The following SMAD6 variants were observed in gnomAD, a reference collection of about 807,000 sequenced individuals.
SMAD6 encodes the protein SMAD family member 6.
A neutral mutation model predicts 39.4 loss-of-function variants in SMAD6; 103 were observed. The ratio of observed to expected loss-of-function variants is 2.62; its 90% CI spans 2.23 to 3.08. The LOEUF (loss-of-function observed/expected upper bound fraction) is 3.08. Ranked by LOEUF, SMAD6 falls within the 30% of genes most tolerant of loss-of-function variation. The pLI is 0.00. For synonymous variants in SMAD6, 445 were observed against 353.3 expected (o/e 1.26, Z -2.91); for missense variants, 1,104 against 742.9 (o/e 1.49, Z -5.65).
At chr15:66,753,914 G>A (rs895491934) in intron 3 of SMAD6, among the ~76,000 whole-genome samples, 7 of 152,186 alleles carry the variant, frequency 4.6e-5, no homozygotes, top group African/African-American at 1.7e-4. Flanking sequence ...GCCCTCGGAG[G>A]CCCCAAGGGG....
intron 1 of SMAD6, chr15:66,705,478 TG>T (rs1245314068): frequency 1.3e-5 from 2 of 150,482 alleles, no homozygotes; most frequent in African/African-American, 2.5e-5. Flanking sequence ...CAGCTTTCCC[TG>T]GAAGTGACTT....
chr15:66,780,905 C>T (rs1894547021), intron 3 of SMAD6, 92 bp from the exon 4 acceptor site: 1 of 1,287,636 alleles, frequency 7.8e-7, no homozygotes, highest in African/African-American at 1.5e-5. Context: ...ACCCAGCTCC[C>T]ACTGTGCAGA....
At chr15:66,751,517 A>G (rs375270473) in intron 3 of SMAD6, among the ~76,000 whole-genome samples, 1 of 152,140 alleles carries the variant, frequency 6.6e-6, no homozygotes, top group East Asian at 1.9e-4. Flanking sequence ...CTCTTCCACA[A>G]TGGGAAACTG....
intron 3 of SMAD6, among the ~76,000 whole-genome samples, chr15:66,748,872 T>G (rs2140644980): frequency 6.6e-6 from 1 of 152,340 alleles, no homozygotes; most frequent in East Asian, 1.9e-4. Flanking sequence ...TGATATGAGC[T>G]GTAGATTCCT....
At position 66,702,437 on chromosome 15, in the gene SMAD6, A is replaced by AG. The variant is rs1025318462; in HGVS notation, c.-815dup. 143 of 30,334 alleles carry AG rather than the reference A, an allele frequency of 4.7e-3. No homozygotes were observed. The highest frequency in any genetic ancestry group is 0.017 in the African/African-American group (137 of 8,004). The allele number at this position is 30,334 out of a possible 1,614,324, so 1.9% of individuals were successfully genotyped here. ...CGGGAGGCACTTTTGTGGAGGGGGGAGGGGGGGCGACCTCGGCAGCCTCGG... is the reference window on the plus strand; with the variant it reads ...CGGGAGGCACTTTTGTGGAGGGGGGAGGGGGGGGCGACCTCGGCAGCCTCGG... On this transcript the variant is annotated 5_prime_UTR_variant, in exon 1 of 4. An upstream open reading frame in the 5' UTR gains an earlier in-frame stop. Coordinates refer to ENST00000288840, the MANE Select transcript of SMAD6 (RefSeq NM_005585.5).
intron 3 of SMAD6, among the ~76,000 whole-genome samples, chr15:66,780,446 C>T (rs1436190951): frequency 1.3e-5 from 2 of 152,206 alleles, no homozygotes; most frequent in Non-Finnish European, 2.9e-5. Context: ...TAGCCTAACC[C>T]TACTCTGTCA....
At chr15:66,750,403 G>A (rs1309051799) in intron 3 of SMAD6, among the ~76,000 whole-genome samples, 2 of 152,166 alleles carry the variant, frequency 1.3e-5, no homozygotes, top group African/African-American at 4.8e-5. Flanking sequence ...AATGCTCATT[G>A]AATGACTCAT....
chr15:66,717,223 T>A, intron 3 of SMAD6: 1 of 983,754 alleles, frequency 1.0e-6, no homozygotes, highest in Non-Finnish European at 1.4e-6. Context: ...CATGGTGGCC[T>A]GGTGGCATGC....
Position 66,703,913 on chromosome 15 carries a change from C to A in SMAD6, c.655C>A (p.Pro219Thr), listed in dbSNP as rs1455210631. Reference protein sequence around the residue: ...PRADLRLGGQPAPPQLLLGRL... With the variant: ...PRADLRLGGQTAPPQLLLGRL... ...CGCCGACCTCCGCCTGGGCGGCCAG[C>A]CCGCGCCGCCGCAGCTGCTGCTCGG... Residue 219 changes from proline to threonine, a missense_variant, in exon 1 of 4, where the codon CCC becomes ACC. By Grantham distance (38) the Pro-to-Thr change is conservative. Coordinates refer to ENST00000288840, the MANE Select transcript of SMAD6 (RefSeq NM_005585.5). 7.7e-7 allele frequency: 1 copy of A among 1,296,922 alleles called. No homozygotes were observed. Among genetic ancestry groups the A allele is most frequent in the Non-Finnish European group, 9.7e-7 (1 of 1,027,436 alleles). The allele number at this position is 1,296,922 out of a possible 1,614,324, so 80.3% of individuals were successfully genotyped here. A position where few individuals can be genotyped will look rare whatever the true frequency, so the allele number is the denominator to read the frequency against.
chr15:66,764,730 C>T (rs1023703663), intron 3 of SMAD6, among the ~76,000 whole-genome samples: 1 of 152,072 alleles, frequency 6.6e-6, no homozygotes, highest in African/African-American at 2.4e-5. Context: ...GCATTTACCA[C>T]GTAAGTGTTC....
chr15:66,712,338 T>TA (rs1893248017), intron 2 of SMAD6, among the ~76,000 whole-genome samples: 1 of 152,162 alleles, frequency 6.6e-6, no homozygotes. Context: ...ATGTTTTCTG[T>TA]AAAACCTTGA....
rs564664415 is a variant in SMAD6 at position 66,731,463 on chromosome 15, G to A, written c.952+14965G>A. On this transcript the variant is annotated intron_variant, in intron 3 of 3. Transcript: ENST00000288840. ...AAAAAAAAAAAAAAAAAGTTCCTTG[G>A]TGAGTCTTTGTAGTCAGCCCAACCC... Among the ~76,000 whole-genome samples the A allele has an allele frequency of 5.7e-4, 86 of 151,608 alleles. 1 individual carries two copies. Among genetic ancestry groups the A allele is most frequent in the East Asian group, 5.4e-3 (28 of 5,154 alleles).
rs149612008 is a variant in SMAD6, at chr15:66,703,378, C to A, written c.120C>A (p.Gly40=). ...GCGGCGACGAGGATGGGAGCTTGGGCAGCCGAGCTGAGCCGGCCCCGCGGG... is the reference window on the plus strand; with the variant it reads ...GCGGCGACGAGGATGGGAGCTTGGGAAGCCGAGCTGAGCCGGCCCCGCGGG... ...GGGGDEDGSL[G]SRAEPAPRAR... Residue 40 remains glycine (G), a synonymous_variant, in exon 1 of 4, where the codon GGC becomes GGA. Transcript: ENST00000288840. 358 of 1,455,114 alleles carry A rather than the reference C, an allele frequency of 2.5e-4. 2 individuals carry two copies. The African/African-American group carries it at 4.8e-3, about 20-fold the overall frequency. 90.1% of individuals were successfully genotyped at this position (1,455,114 alleles called of 1,614,324 possible).
At chr15:66,749,497 G>C (rs1192464999) in intron 3 of SMAD6, among the ~76,000 whole-genome samples, 1 of 152,004 alleles carries the variant, frequency 6.6e-6, no homozygotes, top group Non-Finnish European at 1.5e-5. Flanking sequence ...AGGCGTCGTG[G>C]CATGCACCTA....
At chr15:66,704,223 C>G (rs1893058549) in intron 1 of SMAD6, 148 bp downstream of exon 1, 2 of 516,414 alleles carry the variant, frequency 3.9e-6, no homozygotes, top group Non-Finnish European at 6.2e-6. Flanking sequence ...GGAGGCGCCT[C>G]AGACCGGCCG....
intron 3 of SMAD6, chr15:66,717,408 C>T (rs1567096790): frequency 8.8e-6 from 4 of 456,078 alleles, no homozygotes; most frequent in South Asian, 4.6e-5. Context: ...TCCACTTGGC[C>T]GCTTTATATG....
chr15:66,705,670 C>T (rs1469108775), intron 1 of SMAD6: 1 of 152,134 alleles, frequency 6.6e-6, no homozygotes, highest in Non-Finnish European at 1.5e-5. Context: ...TGAGCAATTA[C>T]TTTGGGCCAG....
rs1424182433 is a variant in SMAD6, at chr15:66,704,050, C to A, written c.792C>A (p.Tyr264Ter). Residue 264 changes from tyrosine (Y) to a stop codon, truncating the protein, a stop_gained, in exon 1 of 4, where the codon TAC (tyrosine) becomes TAA (stop). Transcript: ENST00000288840. LOFTEE classifies it high-confidence loss of function. The stretch of plus-strand genomic sequence containing the variant: ...GCCCTACCGTGTGCTGCAACCCCTA[C>A]CACTTCAGCCGGCTCTGCGGGCCCG... ...ADGPTVCCNPYHFSRLCGPES... is the reference protein window; with the variant it reads ...ADGPTVCCNP 2.7e-6 allele frequency: 4 copies of A among 1,507,862 alleles called. No homozygotes were observed. Among genetic ancestry groups the A allele is most frequent in the Non-Finnish European group, 3.5e-6 (4 of 1,137,168 alleles). The allele number at this position is 1,507,862 out of a possible 1,614,324, so 93.4% of individuals were successfully genotyped here. A position where few individuals can be genotyped will look rare whatever the true frequency, so the allele number is the denominator to read the frequency against.
chr15:66,704,987 T>C (rs1893080045), intron 1 of SMAD6: 1 of 152,308 alleles, frequency 6.6e-6, no homozygotes, highest in African/African-American at 2.4e-5. Flanking sequence ...ACCTCTGTCT[T>C]GTGGGGAACA....
Sources: allele counts gnomAD v4.1 joint callset (sites outside exome capture counted in the v4.1 genomes callset), GRCh38; gene constraint gnomAD v4.1.1; transcripts MANE v1.5; gene names NCBI Gene and HGNC (gene_info 2026-07-23, HGNC 2026-07-21).